CSMD1: variants seen among roughly 807,000 people sequenced by gnomAD.
The protein encoded by CSMD1 is CUB and Sushi multiple domains 1.
Under a neutral mutation model 417.5 loss-of-function variants are expected in CSMD1, and 213 were observed. The ratio of observed to expected loss-of-function variants is 0.51; its 90% confidence interval spans 0.46 to 0.57. CSMD1 has a LOEUF of 0.57. CSMD1 is among the 20% of genes least tolerant of loss of function. The probability of loss-of-function intolerance (pLI) is 0.00; values close to 1 mark genes in which losing one functional copy is unlikely to be tolerated. For synonymous variants in CSMD1, 2,862 were observed against 1,736.8 expected (o/e 1.65, Z -16.11); for missense variants, 6,923 against 4,529.7 (o/e 1.53, Z -15.17).
rs181352783 is a variant in CSMD1 at position 2,986,275 on chromosome 8, G to C, written c.8378-7475C>G. On this transcript the variant is annotated intron_variant, in intron 54 of 69. Transcript: ENST00000635120. ...TTGGCCAAGCATTGGTTTATCTAGA[G>C]CTCTCAAAAACCTATGAAGAGGGTA... 9.2e-3 allele frequency among the ~76,000 whole-genome samples: 1,406 copies of C among 152,240 alleles called. 79 individuals are homozygous for C. The highest frequency in any genetic ancestry group is 0.082 in the Admixed American group (1,246 of 15,268).
At position 2,942,565 on chromosome 8, in the gene CSMD1, T is replaced by A. The variant is rs889238555; in HGVS notation, c.10442A>T (p.His3481Leu). The A allele has an allele frequency of 6.2e-6, 10 of 1,604,512 alleles. No homozygotes were observed. In the African/African-American group the frequency reaches 1.3e-4, roughly 21 times the overall value. Residue 3481 changes from histidine (H) to leucine (L), a missense_variant, in exon 69 of 70, where the codon CAC becomes CTC. Physicochemically the swap from His to Leu is moderately conservative, Grantham distance 99. Coordinates refer to ENST00000635120, the MANE Select transcript of CSMD1 (RefSeq NM_033225.6). ...NPDQDSSSHYHGTSSGSVAAA... is the reference protein window; with the variant it reads ...NPDQDSSSHYLGTSSGSVAAA... The stretch of plus-strand genomic sequence containing the variant: ...CGCCACAGAGCCACTGCTGGTGCCG[T>A]GGTAATGACTGGAAGAGTCTTGATC...
intron 4 of CSMD1, among the ~76,000 whole-genome samples, chr8:4,015,284 T>C (rs749238261): frequency 1.3e-5 from 2 of 152,294 alleles, no homozygotes; most frequent in South Asian, 4.1e-4. Flanking sequence ...GTTTTAAATA[T>C]CGCAGAATTT....
chr8:3,529,691 T>C (rs1306486836), intron 10 of CSMD1, among the ~76,000 whole-genome samples: 1 of 152,186 alleles, frequency 6.6e-6, no homozygotes, highest in African/African-American at 2.4e-5. Flanking sequence ...AAGCAACTCA[T>C]ATGTACAAAT....
chr8:3,923,926 G>A (rs753466016), intron 5 of CSMD1, among the ~76,000 whole-genome samples: 1 of 152,174 alleles, frequency 6.6e-6, no homozygotes, highest in Non-Finnish European at 1.5e-5. Context: ...TCATAAAAGA[G>A]TTAGATTTTT....
intron 10 of CSMD1, among the ~76,000 whole-genome samples, chr8:3,563,427 TA>T (rs1217631051): frequency 1.2e-5 from 1 of 80,472 alleles, no homozygotes; most frequent in African/African-American, 4.9e-5. Flanking sequence ...ATAAAATAGG[TA>T]ACGTATTAAA....
At position 2,936,317 on chromosome 8, in the gene CSMD1, T is replaced by C. The variant is rs1035156494; in HGVS notation, c.*2268A>G. 2 of 151,848 alleles carry C rather than the reference T, an allele frequency of 1.3e-5. No individual in the cohort carries two copies. Among genetic ancestry groups the C allele is most frequent in the African/African-American group, 2.4e-5 (1 of 41,322 alleles). The allele number at this position is 151,848 out of a possible 1,614,324, so 9.4% of individuals were successfully genotyped here. A position where few individuals can be genotyped will look rare whatever the true frequency, so the allele number is the denominator to read the frequency against. The stretch of plus-strand genomic sequence containing the variant: ...TGGGAACAGAGATGTTAATTCAGAC[T>C]CTGAAGTCAGCATTTTGCACCTAGT... On this transcript the variant is annotated 3_prime_UTR_variant, in exon 70 of 70. Coordinates refer to ENST00000635120, the MANE Select transcript of CSMD1 (RefSeq NM_033225.6).
chr8:4,842,541 C>G (rs1473598161), intron 1 of CSMD1, among the ~76,000 whole-genome samples: 1 of 152,136 alleles, frequency 6.6e-6, no homozygotes, highest in Non-Finnish European at 1.5e-5. Flanking sequence ...TTACAGCGAG[C>G]ACTAAGGGTC....
chr8:3,830,447 G>C (rs547156187), intron 5 of CSMD1, among the ~76,000 whole-genome samples: 2 of 152,332 alleles, frequency 1.3e-5, no homozygotes, highest in Admixed American at 6.5e-5. Context: ...TACTGTGATT[G>C]TTTTAACACC....
At chr8:3,373,911 T>A (rs1810139881) in intron 18 of CSMD1, among the ~76,000 whole-genome samples, 1 of 152,010 alleles carries the variant, frequency 6.6e-6, no homozygotes, top group African/African-American at 2.4e-5. Context: ...AGACATACGT[T>A]GTGATATTTT....
rs545563482 is a variant in CSMD1, at chr8:3,777,487, G to A, written c.819-23445C>T. Among the ~76,000 whole-genome samples, 9 of 152,294 alleles carry A rather than the reference G, an allele frequency of 5.9e-5. 1 individual carries two copies. The South Asian group carries it at 1.9e-3, about 32-fold the overall frequency. The stretch of plus-strand genomic sequence containing the variant: ...ATTCTGGTGTCCTGCTACTCTAAGA[G>A]ATGATGGGCTGAGGATGCTCTGAGC... On this transcript the variant is annotated intron_variant, in intron 5 of 69. Transcript: ENST00000635120.
At chr8:4,039,822 G>A (rs1158961614) in intron 3 of CSMD1, among the ~76,000 whole-genome samples, 1 of 152,154 alleles carries the variant, frequency 6.6e-6, no homozygotes, top group South Asian at 2.1e-4. Context: ...ATCAGATCTG[G>A]CATCAAATAG....
At chr8:4,127,663 C>T (rs567092759) in intron 3 of CSMD1, among the ~76,000 whole-genome samples, 1 of 152,100 alleles carries the variant, frequency 6.6e-6, no homozygotes, top group Non-Finnish European at 1.5e-5. Flanking sequence ...TTTACTTAGA[C>T]TACTTATAAG....
chr8:4,846,137 TC>T (rs1252874163), intron 1 of CSMD1, among the ~76,000 whole-genome samples: 14 of 152,190 alleles, frequency 9.2e-5, no homozygotes, highest in Admixed American at 9.2e-4. Context: ...CATCTCTTTC[TC>T]CTGTCCTGCA....
At chr8:3,500,338 A>G (rs910774349) in intron 10 of CSMD1, among the ~76,000 whole-genome samples, 13 of 152,258 alleles carry the variant, frequency 8.5e-5, no homozygotes, top group Admixed American at 4.6e-4. Context: ...TGACTTTTAG[A>G]CATTTCTAGA....
At chr8:3,474,602 T>C (rs1405368912) in intron 11 of CSMD1, among the ~76,000 whole-genome samples, 1 of 152,206 alleles carries the variant, frequency 6.6e-6, no homozygotes, top group Non-Finnish European at 1.5e-5. Context: ...TGGTCTTGCT[T>C]TTTGTGAGCA....
intron 5 of CSMD1, among the ~76,000 whole-genome samples, chr8:3,803,736 G>T (rs1800582015): frequency 6.6e-6 from 1 of 152,194 alleles, no homozygotes; most frequent in South Asian, 2.1e-4. Context: ...TTGGAAGCCA[G>T]TGACGAATCT....
At chr8:4,459,701 G>C (rs529248381) in intron 2 of CSMD1, among the ~76,000 whole-genome samples, 4 of 152,282 alleles carry the variant, frequency 2.6e-5, no homozygotes, top group African/African-American at 7.2e-5. Context: ...ATGGAGCCCA[G>C]AGCAAGTTCA....
chr8:3,394,385 G>A (rs1386290895), intron 17 of CSMD1, among the ~76,000 whole-genome samples: 1 of 151,254 alleles, frequency 6.6e-6, no homozygotes, highest in South Asian at 2.1e-4. Flanking sequence ...AGAGAAATAA[G>A]AAGAAGACAT....
intron 3 of CSMD1, among the ~76,000 whole-genome samples, chr8:4,103,217 A>G (rs917740008): frequency 4.0e-5 from 6 of 150,762 alleles, no homozygotes; most frequent in Admixed American, 1.3e-4. Context: ...GTAAATATAT[A>G]TAATTATATA....
Sources: gnomAD v4.1 joint callset for allele counts (sites outside exome capture counted in the v4.1 genomes callset) on GRCh38, gnomAD v4.1.1 for gene constraint, MANE v1.5 for transcripts, NCBI Gene and HGNC (gene_info 2026-07-23, HGNC 2026-07-21) for gene names.